INHBA: variants seen among roughly 807,000 people sequenced by gnomAD.
INHBA encodes inhibin beta A chain.
Under a neutral mutation model 29.0 loss-of-function variants are expected in INHBA, and 1 was observed. The ratio of observed to expected loss-of-function variants is 0.03; its 90% confidence interval spans 0.01 to 0.16. The LOEUF is 0.16. INHBA is among the 10% of genes least tolerant of loss of function. The probability of loss-of-function intolerance (pLI) is 1.00; values close to 1 mark genes in which losing one functional copy is unlikely to be tolerated. For synonymous variants in INHBA, 242 were observed against 216.8 expected (o/e 1.12, Z -1.02); for missense variants, 376 against 545.4 (o/e 0.69, Z 3.09).
intron 2 of INHBA, chr7:41,694,117 G>A (rs963558356): frequency 1.3e-5 from 2 of 152,108 alleles, no homozygotes; most frequent in African/African-American, 4.8e-5. Flanking sequence ...ATTGTATTCT[G>A]ACTTATTAAG....
rs777791358 is a variant in INHBA, at chr7:41,690,422, T to G, written c.509A>C (p.Lys170Thr). ...KVPKANRTRT[K>T]VTIRLFQQQK... ...CTGCTGGAAGAGGCGGATGGTGACT[T>G]TGGTCCTGGTCCTGTTGGCCTTGGG... Residue 170 changes from lysine to threonine, a missense_variant, in exon 3 of 3, where the codon AAA becomes ACA. By Grantham distance (78) the Lys-to-Thr change is moderately conservative. Transcript: ENST00000242208. 3.1e-6 allele frequency: 5 copies of G among 1,614,098 alleles called. No homozygotes were observed. Among genetic ancestry groups the G allele is most frequent in the Non-Finnish European group, 3.4e-6 (4 of 1,180,014 alleles).
chr7:41,702,351 T>C (rs1273196414), intron 1 of INHBA, among the ~76,000 whole-genome samples: 2 of 152,216 alleles, frequency 1.3e-5, no homozygotes, highest in Non-Finnish European at 2.9e-5. Flanking sequence ...ACTTTTTCTG[T>C]TACAAGTAAC....
At chr7:41,702,192 T>A (rs1044195600) in intron 1 of INHBA, among the ~76,000 whole-genome samples, 5 of 152,142 alleles carry the variant, frequency 3.3e-5, no homozygotes, top group Non-Finnish European at 7.4e-5. Context: ...AAAGAGTTAA[T>A]AAATATCATT....
intron 2 of INHBA, among the ~76,000 whole-genome samples, chr7:41,695,567 A>T (rs1794628306): frequency 6.6e-6 from 1 of 152,196 alleles, no homozygotes; most frequent in Admixed American, 6.5e-5. Flanking sequence ...GCCATAAATT[A>T]TCTTGATTAA....
rs1414350957 is a variant in INHBA, at chr7:41,687,002, C to T, written c.*2648G>A. On this transcript the variant is annotated 3_prime_UTR_variant, in exon 3 of 3. Transcript: ENST00000242208. ...GTTGAACATGGCCATCTACTCTTGC[C>T]TTAAAACTTTTCTCACCACACCCAC... 1 of 152,208 alleles carries T rather than the reference C, an allele frequency of 6.6e-6. No homozygotes were observed. The highest frequency in any genetic ancestry group is 1.5e-5 in the Non-Finnish European group (1 of 68,038). 9.4% of individuals were successfully genotyped at this position (152,208 alleles called of 1,614,324 possible). A position where few individuals can be genotyped will look rare whatever the true frequency, so the allele number is the denominator to read the frequency against.
intron 2 of INHBA, among the ~76,000 whole-genome samples, chr7:41,695,937 G>T (rs1794636612): frequency 6.6e-6 from 1 of 152,136 alleles, no homozygotes; most frequent in Admixed American, 6.5e-5. Flanking sequence ...AGGTATTACT[G>T]CAGTTCTTTA....
At chr7:41,693,625 G>A (rs1384598391) in intron 2 of INHBA, among the ~76,000 whole-genome samples, 3 of 152,186 alleles carry the variant, frequency 2.0e-5, no homozygotes, top group Admixed American at 6.5e-5. Context: ...GTTCCTGAGA[G>A]AGGATTGTAC....
intron 2 of INHBA, among the ~76,000 whole-genome samples, chr7:41,693,683 A>G (rs1794572097): frequency 2.0e-5 from 3 of 152,218 alleles, no homozygotes; most frequent in African/African-American, 7.2e-5. Context: ...GTGCTGTTAT[A>G]TTAGGATCAG....
At chr7:41,704,844 G>C (rs936506110), upstream of INHBA, among the ~76,000 whole-genome samples, 4 of 152,196 alleles carry the variant, frequency 2.6e-5, no homozygotes, top group African/African-American at 9.6e-5. Context: ...TGAGAAGCCT[G>C]GTGGCTGTTC....
At position 41,689,692 on chromosome 7, in the gene INHBA, C is replaced by T. The variant is rs748595617; in HGVS notation, c.1239G>A (p.Lys413=). The stretch of plus-strand genomic sequence containing the variant: ...CCTCCACGATCATGTTCTGAATGTC[C>T]TTTTTGATGATGTTTTGACCATCAT... ...YYDDGQNIIK[K]DIQNMIVEEC... is the part of the protein sequence containing the mutation. The change falls in exon 3 of 3, where the codon AAG becomes AAA. Residue 413 remains lysine (K), a synonymous_variant. Coordinates refer to ENST00000242208, the MANE Select transcript of INHBA (RefSeq NM_002192.4). 6.2e-7 allele frequency: 1 copy of T among 1,608,344 alleles called. No individual in the cohort carries two copies. Among genetic ancestry groups the T allele is most frequent in the Non-Finnish European group, 8.5e-7 (1 of 1,177,086 alleles).
rs1369587017 is a variant in INHBA, at chr7:41,700,485, T to G, written c.-111A>C. The G allele has an allele frequency of 9.8e-7, 1 of 1,016,686 alleles. No individual in the cohort carries two copies. The highest frequency in any genetic ancestry group is 2.7e-5 in the South Asian group (1 of 36,826). 63.0% of individuals were successfully genotyped at this position (1,016,686 alleles called of 1,614,324 possible). On this transcript the variant is annotated 5_prime_UTR_variant, in exon 2 of 3. Coordinates refer to ENST00000242208, the MANE Select transcript of INHBA (RefSeq NM_002192.4). ...GATTTTTTTATTTTTTTTTTTGGTG[T>G]TTTTTTTTTCCTTCTCCTCTTCAGC...
chr7:41,698,282 C>T (rs553398058), intron 2 of INHBA, among the ~76,000 whole-genome samples: 2 of 152,068 alleles, frequency 1.3e-5, no homozygotes, highest in African/African-American at 2.4e-5. Context: ...AACGGTAGTG[C>T]GGTTAAAAGT....
intron 1 of INHBA, among the ~76,000 whole-genome samples, chr7:41,702,592 A>C (rs946865770): frequency 6.6e-6 from 1 of 152,232 alleles, no homozygotes; most frequent in South Asian, 2.1e-4. Context: ...AATGTTTTGC[A>C]GTTCAATTAA....
intron 2 of INHBA, among the ~76,000 whole-genome samples, chr7:41,696,958 C>T (rs1418855513): frequency 6.6e-6 from 1 of 152,216 alleles, no homozygotes; most frequent in African/African-American, 2.4e-5. Flanking sequence ...CTTTCTACAA[C>T]AAGTGCTATC....
chr7:41,699,905 T>C (rs1163171829), intron 2 of INHBA, 82 bp downstream of exon 2: 2 of 938,706 alleles, frequency 2.1e-6, no homozygotes, highest in Non-Finnish European at 3.2e-6. Context: ...GGAAAAGAAG[T>C]TCCTCCTGGG....
intron 2 of INHBA, among the ~76,000 whole-genome samples, chr7:41,696,168 C>T (rs1178924825): frequency 6.6e-6 from 1 of 152,164 alleles, no homozygotes; most frequent in Non-Finnish European, 1.5e-5. Flanking sequence ...AGTCACTTGT[C>T]ATTTGTCGCT....
rs926319699 is a variant in INHBA at position 41,688,073 on chromosome 7, G to C, written c.*1577C>G. The C allele has an allele frequency of 6.6e-6, 1 of 152,152 alleles. No homozygotes were observed. Among genetic ancestry groups the C allele is most frequent in the Non-Finnish European group, 1.5e-5 (1 of 68,034 alleles). The allele number at this position is 152,152 out of a possible 1,614,324, so 9.4% of individuals were successfully genotyped here. ...CGAATTTTTGAAATGCGCCCACCTA[G>C]TTCAGAGTAAAAGCAAAAACTATAG... On this transcript the variant is annotated 3_prime_UTR_variant, in exon 3 of 3. Transcript: ENST00000242208.
At position 41,687,079 on chromosome 7, in the gene INHBA, C is replaced by T. The variant is rs1025697175; in HGVS notation, c.*2571G>A. The T allele has an allele frequency of 6.6e-6, 1 of 152,208 alleles. No individual in the cohort carries two copies. The highest frequency in any genetic ancestry group is 2.4e-5 in the African/African-American group (1 of 41,460). 9.4% of individuals were successfully genotyped at this position (152,208 alleles called of 1,614,324 possible). ...CGACAGACCTGGATTAGAATCCACT[C>T]TCAAGCTTCTCATGCAGTGCGTATT... On this transcript the variant is annotated 3_prime_UTR_variant, in exon 3 of 3. Coordinates refer to ENST00000242208, the MANE Select transcript of INHBA (RefSeq NM_002192.4).
intron 1 of INHBA, among the ~76,000 whole-genome samples, chr7:41,701,269 C>G (rs1364101574): frequency 6.6e-6 from 1 of 152,026 alleles, no homozygotes; most frequent in African/African-American, 2.4e-5. Context: ...CCCACCTGGC[C>G]ACGTGGTGGG....
Sources: allele counts gnomAD v4.1 joint callset (sites outside exome capture counted in the v4.1 genomes callset), GRCh38; gene constraint gnomAD v4.1.1; transcripts MANE v1.5; gene names NCBI Gene and HGNC (gene_info 2026-07-23, HGNC 2026-07-21).